GRID1: variants seen among roughly 807,000 people sequenced by gnomAD.
GRID1 encodes the protein glutamate receptor ionotropic, delta-1.
Under a neutral mutation model 98.0 loss-of-function variants are expected in GRID1, and 28 were observed. That is an observed-to-expected ratio of 0.29 (90% confidence interval 0.21 to 0.39). The LOEUF (loss-of-function observed/expected upper bound fraction) is 0.39, where lower values mean the gene tolerates loss of function less well. Among genes scored for constraint, GRID1 ranks in the 10% least tolerant of loss-of-function variants. The pLI is 1.00. For synonymous variants in GRID1, 553 were observed against 538.5 expected, an observed-to-expected ratio of 1.03 and a Z score of -0.37; for missense variants, 1,111 against 1,340.5, an observed-to-expected ratio of 0.83 and a Z score of 2.67.
intron 12 of GRID1, among the ~76,000 whole-genome samples, chr10:85,707,266 GAAAA>G (rs890885402): frequency 6.7e-6 from 1 of 149,304 alleles, no homozygotes; most frequent in Non-Finnish European, 1.5e-5. Flanking sequence ...AAATTTACAA[GAAAA>G]AAAAACAAAC....
chr10:86,027,932 C>G (rs1355664538), intron 4 of GRID1, among the ~76,000 whole-genome samples: 1 of 152,194 alleles, frequency 6.6e-6, no homozygotes, highest in African/African-American at 2.4e-5. Context: ...TTGATGAACA[C>G]TGGGTTTGTA....
At chr10:86,321,751 C>G (rs1847973997) in intron 2 of GRID1, among the ~76,000 whole-genome samples, 1 of 152,258 alleles carries the variant, frequency 6.6e-6, no homozygotes, top group East Asian at 1.9e-4. Context: ...GTAGGGGAGA[C>G]AGCCCTCGAG....
chr10:86,316,736 G>A (rs768179238), intron 2 of GRID1, among the ~76,000 whole-genome samples: 11 of 152,228 alleles, frequency 7.2e-5, no homozygotes, highest in Non-Finnish European at 1.5e-4. Flanking sequence ...ACTCCTGGGC[G>A]CTGCTCACCA....
chr10:85,877,545 C>T (rs561566374), intron 5 of GRID1, among the ~76,000 whole-genome samples: 1 of 152,228 alleles, frequency 6.6e-6, no homozygotes, highest in African/African-American at 2.4e-5. Context: ...TCCAACAGAC[C>T]TCCAGCTGAG....
intron 8 of GRID1, among the ~76,000 whole-genome samples, chr10:85,751,603 C>A (rs1842046111): frequency 6.6e-6 from 1 of 151,898 alleles, no homozygotes; most frequent in Non-Finnish European, 1.5e-5. Context: ...CTTTTGAGGG[C>A]CCGTATAGGT....
intron 4 of GRID1, among the ~76,000 whole-genome samples, chr10:86,134,284 T>A (rs963187460): frequency 6.6e-6 from 1 of 152,230 alleles, no homozygotes; most frequent in African/African-American, 2.4e-5. Context: ...GGGTTCCTCA[T>A]CCATAGGAGG....
In GRID1 at chr10:86,366,384, C is replaced by A. The variant is rs1312644411; in HGVS notation, c.9G>T (p.Ala3=). The A allele has an allele frequency of 2.7e-6, 4 of 1,507,948 alleles. No individual in the cohort carries two copies. The highest frequency in any genetic ancestry group is 5.5e-5 in the East Asian group (2 of 36,502). The allele number at this position is 1,507,948 out of a possible 1,614,324, so 93.4% of individuals were successfully genotyped here. The change falls in exon 1 of 16, where the codon GCG becomes GCT. Residue 3 remains alanine, a synonymous_variant. Coordinates refer to ENST00000327946, the MANE Select transcript of GRID1 (RefSeq NM_017551.3). The surrounding 1 kb of genome is among the most constrained non-coding windows in gnomAD (Gnocchi z 4.1). ...TCCAGGGGAGAAGCCACAGCGTCAG[C>A]GCTTCCATGTCCCCCGGGCGCGCGG... The part of the protein sequence containing the change: ME[A]LTLWLLPWIC...
chr10:86,208,798 G>A (rs906126775), intron 2 of GRID1, among the ~76,000 whole-genome samples: 3 of 152,160 alleles, frequency 2.0e-5, no homozygotes, highest in Non-Finnish European at 2.9e-5. Context: ...GTAAAGACTC[G>A]TGCAAGAACA....
chr10:85,801,029 G>T (rs1025497766), intron 8 of GRID1, among the ~76,000 whole-genome samples: 1 of 151,870 alleles, frequency 6.6e-6, no homozygotes, highest in Non-Finnish European at 1.5e-5. Flanking sequence ...GAGAGAGAGA[G>T]AAATAAAGAG....
chr10:86,085,848 G>A lies in GRID1; in HGVS notation c.726+52971C>T, dbSNP rs76338477. Among the ~76,000 whole-genome samples the A allele has an allele frequency of 3.9e-3, 600 of 152,194 alleles. 5 individuals are homozygous for A. Among genetic ancestry groups the A allele is most frequent in the African/African-American group, 0.014 (567 of 41,534 alleles). On this transcript the variant is annotated intron_variant, in intron 4 of 15. Coordinates refer to ENST00000327946, the MANE Select transcript of GRID1 (RefSeq NM_017551.3). ...ATTAGGAAGAGTTCTGATACTCACC[G>A]AGCCCCAAGAGCAGAACCCAGGCTC... is the stretch of plus-strand genomic sequence containing the variant.
At chr10:86,338,332 T>C (rs1848258006) in intron 2 of GRID1, among the ~76,000 whole-genome samples, 1 of 152,124 alleles carries the variant, frequency 6.6e-6, no homozygotes, top group African/African-American at 2.4e-5. Context: ...GTCTTTTCTC[T>C]GCCATTTTTG....
At chr10:85,828,178 C>T (rs58436000) in intron 8 of GRID1, among the ~76,000 whole-genome samples, 8,344 of 152,096 alleles carry the variant, frequency 0.055, 264 homozygotes, top group African/African-American at 0.083. Flanking sequence ...AACCTGCTCC[C>T]GAATGCCATT....
At chr10:85,896,351 G>T (rs1304090921) in intron 5 of GRID1, among the ~76,000 whole-genome samples, 1 of 152,158 alleles carries the variant, frequency 6.6e-6, no homozygotes, top group African/African-American at 2.4e-5. Flanking sequence ...CTTCCATTAA[G>T]TTAGAGCTGG....
intron 12 of GRID1, among the ~76,000 whole-genome samples, chr10:85,680,572 T>C (rs1252401641): frequency 6.6e-6 from 1 of 152,208 alleles, no homozygotes; most frequent in Non-Finnish European, 1.5e-5. Flanking sequence ...TGGAGATTTC[T>C]CAAAGAACTA....
intron 5 of GRID1, among the ~76,000 whole-genome samples, chr10:85,899,250 C>A (rs1351728997): frequency 6.6e-6 from 1 of 152,202 alleles, no homozygotes; most frequent in East Asian, 1.9e-4. Context: ...AGATTTCCTT[C>A]CTTTTTAAGG....
chr10:85,829,100 C>T (rs781667413), intron 8 of GRID1, among the ~76,000 whole-genome samples: 6 of 152,152 alleles, frequency 3.9e-5, no homozygotes, highest in East Asian at 3.9e-4. Context: ...TATCAAAAAG[C>T]GAATCCACCA....
At chr10:86,239,623 G>A (rs1267144736) in intron 2 of GRID1, among the ~76,000 whole-genome samples, 1 of 152,148 alleles carries the variant, frequency 6.6e-6, no homozygotes, top group Non-Finnish European at 1.5e-5. Context: ...TTTCCCTCTT[G>A]CTATTCTTGC....
At chr10:86,080,446 G>T in intron 4 of GRID1, among the ~76,000 whole-genome samples, 1 of 31,266 alleles carries the variant, frequency 3.2e-5, no homozygotes, top group African/African-American at 2.1e-4. Flanking sequence ...GGGGAGGGGA[G>T]GGGAGGGGAG....
intron 12 of GRID1, among the ~76,000 whole-genome samples, chr10:85,703,157 C>T (rs186743951): frequency 5.9e-5 from 9 of 151,998 alleles, no homozygotes; most frequent in Admixed American, 1.3e-4. Context: ...AGCTGTGACA[C>T]AAGAATATTA....
Sources: gnomAD v4.1 joint callset for allele counts (sites outside exome capture counted in the v4.1 genomes callset) on GRCh38, gnomAD v4.1.1 for gene constraint, Gnocchi (gnomAD v3.1) non-coding constraint, MANE v1.5 for transcripts, NCBI Gene and HGNC (gene_info 2026-07-23, HGNC 2026-07-21) for gene names.